Variants in AKR1B1 observed in about 807,000 individuals in gnomAD.
The protein encoded by AKR1B1 is aldo-keto reductase family 1 member B, also known as aldo-keto reductase family 1 member B1.
A neutral mutation model predicts 40.4 loss-of-function variants in AKR1B1; 22 were observed. That is an observed-to-expected ratio of 0.54 (90% confidence interval 0.39 to 0.78). The LOEUF is 0.78. Among genes scored for constraint, AKR1B1 ranks in the 30% least tolerant of loss-of-function variants. The pLI is 0.00. For synonymous variants in AKR1B1, 157 were observed against 149.9 expected (o/e 1.05, Z -0.35); for missense variants, 357 against 396.7 (o/e 0.90, Z 0.85).
At chr7:134,452,008 T>C (rs1585715513) in intron 1 of AKR1B1, among the ~76,000 whole-genome samples, 3 of 152,364 alleles carry the variant, frequency 2.0e-5, no homozygotes, top group East Asian at 3.9e-4. Flanking sequence ...TTAAAAGATA[T>C]GCTGAAGCCA....
rs779063169 is a variant in AKR1B1 at position 134,447,975 on chromosome 7, T to C, written c.741+5A>G. 1 of 1,611,094 alleles carries C rather than the reference T, an allele frequency of 6.2e-7. No individual in the cohort carries two copies. The highest frequency in any genetic ancestry group is 8.5e-7 in the Non-Finnish European group (1 of 1,178,944). On this transcript the variant is annotated splice_donor_5th_base_variant and intron_variant, in intron 7 of 9. Coordinates refer to ENST00000285930, the MANE Select transcript of AKR1B1 (RefSeq NM_001628.4). ...GACGGTCAGCAACACCTGAAGTGGC[T>C]GTACCTGGGCTGTAGTTTTATTGTG...
chr7:134,451,693 T>C lies in AKR1B1; in HGVS notation c.127A>G (p.Ile43Val), dbSNP rs996513111. Residue 43 changes from isoleucine (I) to valine (V), a missense_variant, in exon 2 of 10, where the codon ATC becomes GTC. Coordinates refer to ENST00000285930, the MANE Select transcript of AKR1B1 (RefSeq NM_001628.4). The part of the protein sequence containing the change: ...KVAIDVGYRH[I>V]DCAHVYQNEN... ...TTCTGGTACACATGGGCACAGTCGA[T>C]GTGGCGGTACCCGACGTCAATGGCC... 4.3e-6 allele frequency: 7 copies of C among 1,614,030 alleles called. No homozygotes were observed. The highest frequency in any genetic ancestry group is 2.2e-5 in the East Asian group (1 of 44,892).
intron 2 of AKR1B1, 161 bp downstream of exon 2, chr7:134,451,425 G>A (rs75616212): frequency 0.039 from 33,274 of 846,996 alleles, 856 homozygotes; most frequent in Middle Eastern, 0.055. Context: ...AAGGATGGGC[G>A]AGCTCTGGAG....
At chr7:134,448,316 T>C in intron 6 of AKR1B1, 71 bp downstream of exon 6, 2 of 1,369,000 alleles carry the variant, frequency 1.5e-6, no homozygotes, top group Admixed American at 3.5e-5. Flanking sequence ...TCCTTGAGGC[T>C]GAATTGTTCT....
intron 1 of AKR1B1, among the ~76,000 whole-genome samples, chr7:134,456,202 T>G (rs1000815390): frequency 1.3e-5 from 2 of 152,068 alleles, no homozygotes; most frequent in African/African-American, 4.8e-5. Context: ...AAGGTTTTTT[T>G]GTTTGGTTGT....
At chr7:134,447,198 G>A (rs985080144) in intron 8 of AKR1B1, 100 bp downstream of exon 8, 3 of 1,069,280 alleles carry the variant, frequency 2.8e-6, no homozygotes, top group Admixed American at 1.8e-5. Flanking sequence ...AAGAGAGGAT[G>A]GTGGTGATCC....
chr7:134,445,719 G>A (rs1401923298), intron 8 of AKR1B1, among the ~76,000 whole-genome samples: 1 of 152,198 alleles, frequency 6.6e-6, no homozygotes, highest in Admixed American at 6.5e-5. Context: ...CACTGTATAA[G>A]ACACTCAACA....
At chr7:134,449,200 G>A (rs1480179635) in intron 4 of AKR1B1, 81 bp from the exon 5 acceptor site, 40 of 1,584,794 alleles carry the variant, frequency 2.5e-5, no homozygotes, top group Admixed American at 5.0e-5. Context: ...CCAGTTTAAC[G>A]GGTCCTGCCC....
rs750518284 is a variant in AKR1B1 at position 134,449,152 on chromosome 7, C to T, written c.430-33G>A. The T allele has an allele frequency of 4.5e-5, 72 of 1,611,880 alleles. No homozygotes were observed. The South Asian group carries it at 5.8e-4, about 13-fold the overall frequency. The stretch of plus-strand genomic sequence containing the variant: ...GAAAAGTGTCTGTGTGGTGCAGAAA[C>T]GAACCCAGAAAGGACAGGATCAGAA... On this transcript the variant is annotated intron_variant, in intron 4 of 9. Coordinates refer to ENST00000285930, the MANE Select transcript of AKR1B1 (RefSeq NM_001628.4).
intron 5 of AKR1B1, 113 bp from the exon 6 acceptor site, chr7:134,448,606 T>A: frequency 1.2e-6 from 1 of 800,838 alleles, no homozygotes; most frequent in Non-Finnish European, 2.2e-6. Flanking sequence ...AAACTATGTA[T>A]AACAAACACC....
In AKR1B1 at chr7:134,449,743, T is replaced by C; in HGVS notation, c.406A>G (p.Thr136Ala). The stretch of plus-strand genomic sequence containing the variant: ...ACCGCCCACGTGTCCAGAATGTTGG[T>C]GTCACTGGGAACCACATTGCCCGAC... Reference protein sequence around the residue: ...DESGNVVPSDTNILDTWAAME... With the variant: ...DESGNVVPSDANILDTWAAME... Residue 136 changes from threonine (T) to alanine (A), a missense_variant, in exon 4 of 10, where the codon ACC becomes GCC. Physicochemically the swap from Thr to Ala is moderately conservative, Grantham distance 58. Transcript: ENST00000285930. The C allele has an allele frequency of 1.2e-6, 2 of 1,614,074 alleles. No individual in the cohort carries two copies. Among genetic ancestry groups the C allele is most frequent in the Non-Finnish European group, 1.7e-6 (2 of 1,179,950 alleles).
rs1710297760 is a variant in AKR1B1 at position 134,442,788 on chromosome 7, A to G, written c.909-18T>C. On this transcript the variant is annotated intron_variant, in intron 9 of 9. Transcript: ENST00000285930. ...AGGTACAGCTGTCAGGAGAAAGGAG[A>G]AAACAGTTGCTTTTTGAAGAGGTGA... 1 of 1,613,606 alleles carries G rather than the reference A, an allele frequency of 6.2e-7. No individual in the cohort carries two copies. Among genetic ancestry groups the G allele is most frequent in the African/African-American group, 1.3e-5 (1 of 74,926 alleles).
rs1446660112 is a variant in AKR1B1 at position 134,446,387 on chromosome 7, T to C, written c.825+911A>G. On this transcript the variant is annotated intron_variant, in intron 8 of 9. Coordinates refer to ENST00000285930, the MANE Select transcript of AKR1B1 (RefSeq NM_001628.4). ...TGGCAGGCACTATGGCCACAGTCTTTGGGCAGTGGAATTGGGCAAAATCAG... is the reference window on the plus strand; with the variant it reads ...TGGCAGGCACTATGGCCACAGTCTTCGGGCAGTGGAATTGGGCAAAATCAG... Among the ~76,000 whole-genome samples the C allele has an allele frequency of 2.0e-5, 3 of 152,318 alleles. No homozygotes were observed. The East Asian group carries it at 5.8e-4, about 29-fold the overall frequency.
rs1341639349 is a variant in AKR1B1, at chr7:134,459,080, G to C, written c.-18C>G. The C allele has an allele frequency of 6.3e-7, 1 of 1,597,442 alleles. No individual in the cohort carries two copies. ...CTTGCCATGGCTGCTGCGCTCCCCAGACCCCCGCCCAGTACGGTGCGGCCT... is the reference window on the plus strand; with the variant it reads ...CTTGCCATGGCTGCTGCGCTCCCCACACCCCCGCCCAGTACGGTGCGGCCT... On this transcript the variant is annotated 5_prime_UTR_variant, in exon 1 of 10. Coordinates refer to ENST00000285930, the MANE Select transcript of AKR1B1 (RefSeq NM_001628.4).
intron 1 of AKR1B1, among the ~76,000 whole-genome samples, chr7:134,455,084 G>C (rs1417097738): frequency 1.3e-5 from 2 of 152,140 alleles, no homozygotes. Context: ...CAAGGATCTT[G>C]GGCCATCACA....
In AKR1B1 at chr7:134,445,334, A is replaced by C. The variant is rs1034599320; in HGVS notation, c.826-14T>G. ...AAAGTCAAAGACCTAAAAAACAAAC[A>C]AAAAAATCCAGTAAGCTCTGCAAAT... On this transcript the variant is annotated splice_polypyrimidine_tract_variant and intron_variant, in intron 8 of 9. Transcript: ENST00000285930. 6.2e-7 allele frequency: 1 copy of C among 1,605,412 alleles called. No homozygotes were observed. The highest frequency in any genetic ancestry group is 1.3e-5 in the African/African-American group (1 of 74,920).
At position 134,447,346 on chromosome 7, in the gene AKR1B1, C is replaced by T; in HGVS notation, c.777G>A (p.Val259=). Residue 259 remains valine (V), a synonymous_variant, in exon 8 of 10, where the codon GTG becomes GTA. Coordinates refer to ENST00000285930, the MANE Select transcript of AKR1B1 (RefSeq NM_001628.4). ...CTGGTGTCACAGACTTGGGGATCACCACCAAGTTCCTCTGCATGGGGAACC... is the reference window on the plus strand; with the variant it reads ...CTGGTGTCACAGACTTGGGGATCACTACCAAGTTCCTCTGCATGGGGAACC... ...LIRFPMQRNL[V]VIPKSVTPER... 6.2e-7 allele frequency: 1 copy of T among 1,614,130 alleles called. No homozygotes were observed. Among genetic ancestry groups the T allele is most frequent in the Non-Finnish European group, 8.5e-7 (1 of 1,180,022 alleles).
chr7:134,448,579 T>C, intron 5 of AKR1B1, 86 bp from the exon 6 acceptor site: 1 of 1,001,066 alleles, frequency 1.0e-6, no homozygotes, highest in African/African-American at 1.6e-5. Flanking sequence ...CTAAAGTCCC[T>C]CCCTACCCCA....
chr7:134,446,838 C>T (rs1806112801), intron 8 of AKR1B1, among the ~76,000 whole-genome samples: 1 of 152,250 alleles, frequency 6.6e-6, no homozygotes, highest in Non-Finnish European at 1.5e-5. Flanking sequence ...AGGTATTAAG[C>T]ACCATGTGAA....
Sources: allele counts gnomAD v4.1 joint callset (sites outside exome capture counted in the v4.1 genomes callset), GRCh38; gene constraint gnomAD v4.1.1; transcripts MANE v1.5; gene names NCBI Gene and HGNC (gene_info 2026-07-23, HGNC 2026-07-21).